The following UNC80 variants were observed in gnomAD, a reference collection of about 807,000 sequenced individuals.
UNC80 encodes unc-80 subunit of NALCN channel complex.
UNC80 carries 164 observed loss-of-function variants against 384.6 expected under a neutral mutation model. The ratio of observed to expected loss-of-function variants is 0.43; its 90% CI spans 0.38 to 0.49. The LOEUF is 0.49. UNC80 is among the 20% of genes least tolerant of loss of function. The pLI is 0.00. For synonymous variants in UNC80, 1,486 were observed against 1,527.8 expected, an observed-to-expected ratio of 0.97 and a Z score of 0.64; for missense variants, 3,330 against 4,143.0, an observed-to-expected ratio of 0.80 and a Z score of 5.39.
At chr2:209,815,174 C>T in intron 8 of UNC80, 83 bp from the exon 9 acceptor site, 1 of 1,378,544 alleles carries the variant, frequency 7.3e-7, no homozygotes, top group Non-Finnish European at 9.8e-7. Flanking sequence ...TAGGCGCATC[C>T]CTATTAAAAA....
At chr2:209,987,468 G>C (rs1490718321) in intron 61 of UNC80, among the ~76,000 whole-genome samples, 2 of 152,204 alleles carry the variant, frequency 1.3e-5, no homozygotes, top group Non-Finnish European at 2.9e-5. Flanking sequence ...TGCTCTTAGA[G>C]ATATAGAAAT....
rs562169228 is a variant in UNC80, at chr2:209,962,871, A to G, written c.7805+3164A>G. On this transcript the variant is annotated intron_variant, in intron 51 of 64. Transcript: ENST00000673920. ...GTAAAAGTTGGAGCTTAATATATAA[A>G]TTTGCGAATTGAGGGTAGTATTAAA... 2.0e-5 allele frequency among the ~76,000 whole-genome samples: 3 copies of G among 152,330 alleles called. No homozygotes were observed. In the East Asian group the frequency reaches 5.8e-4, roughly 29 times the overall value.
At position 209,841,340 on chromosome 2, in the gene UNC80, G is replaced by T. The variant is rs935724026; in HGVS notation, c.3357+692G>T. Among the ~76,000 whole-genome samples, 6 of 151,874 alleles carry T rather than the reference G, an allele frequency of 4.0e-5. 1 individual carries two copies. The highest frequency in any genetic ancestry group is 1.3e-4 in the Admixed American group (2 of 15,222). On this transcript the variant is annotated intron_variant, in intron 20 of 64. Transcript: ENST00000673920. ...TTTGTTTTGTTCCTTGTGGGTTTTT[G>T]TTGTTGTTGTTGTTGTTTTTGTTTT...
At chr2:209,794,302 C>T (rs2887862) in intron 7 of UNC80, among the ~76,000 whole-genome samples, 148,680 of 152,260 alleles carry the variant, frequency 0.98, 72,702 homozygotes, top group East Asian at 1. Context: ...TTATTTGGTG[C>T]ACATAGTGAA....
At chr2:209,982,802 T>C (rs2093188121) in intron 60 of UNC80, 1 of 152,060 alleles carries the variant, frequency 6.6e-6, no homozygotes, top group Non-Finnish European at 1.5e-5. Flanking sequence ...CAGTTCTCCC[T>C]CTGTAAAATG....
At chr2:209,893,977 A>G (rs1263259451) in intron 26 of UNC80, among the ~76,000 whole-genome samples, 186 bp from the exon 27 acceptor site, 2 of 152,148 alleles carry the variant, frequency 1.3e-5, no homozygotes, top group Non-Finnish European at 2.9e-5. Flanking sequence ...GTGTCCAAGA[A>G]ATAAGCTGCA....
chr2:209,819,725 G>T (rs1045771306), intron 12 of UNC80, among the ~76,000 whole-genome samples: 39 of 151,986 alleles, frequency 2.6e-4, no homozygotes, highest in African/African-American at 8.0e-4. Flanking sequence ...CAAATGAAGG[G>T]GTTGTTGTAT....
At chr2:209,855,926 C>A (rs887707194) in intron 22 of UNC80, among the ~76,000 whole-genome samples, 6 of 151,920 alleles carry the variant, frequency 3.9e-5, no homozygotes, top group Non-Finnish European at 8.8e-5. Context: ...AAAATTCTGG[C>A]TAATTTTAGC....
At chr2:209,955,836 C>T (rs942011872) in intron 48 of UNC80, among the ~76,000 whole-genome samples, 23 of 150,050 alleles carry the variant, frequency 1.5e-4, no homozygotes, top group Admixed American at 2.0e-4. Context: ...CTCCGCCTCC[C>T]GGGTTTAAGC....
At chr2:209,907,184 T>TTATC (rs2088326044) in intron 29 of UNC80, among the ~76,000 whole-genome samples, 2 of 151,926 alleles carry the variant, frequency 1.3e-5, no homozygotes, top group South Asian at 4.2e-4. Context: ...CTTCTTTCAA[T>TTATC]TATCCATCCA....
intron 32 of UNC80, among the ~76,000 whole-genome samples, chr2:209,918,193 C>T (rs192082697): frequency 3.9e-5 from 6 of 152,270 alleles, no homozygotes; most frequent in Non-Finnish European, 5.9e-5. Context: ...CACCAGCATT[C>T]CCAGAGGTAA....
chr2:209,789,045 G>A (rs2077632087), intron 5 of UNC80, among the ~76,000 whole-genome samples: 1 of 152,110 alleles, frequency 6.6e-6, no homozygotes, highest in African/African-American at 2.4e-5. Context: ...TACTGTACAG[G>A]TTTGTAGCCT....
chr2:209,935,782 G>A lies in UNC80; in HGVS notation c.6247G>A (p.Asp2083Asn). The part of the protein sequence containing the change: ...DIPTQLPVHE[D>N]TQFEALLKEC... ...CCCAACCCAGTTACCAGTCCATGAA[G>A]ACACTCAATTTGAAGCCCTGTTGAA... Residue 2083 changes from aspartate (D) to asparagine (N), a missense_variant, in exon 40 of 65, where the codon GAC becomes AAC. Physicochemically the swap from Asp to Asn is conservative, Grantham distance 23. Transcript: ENST00000673920. 6.5e-7 allele frequency: 1 copy of A among 1,541,356 alleles called. No individual in the cohort carries two copies. The highest frequency in any genetic ancestry group is 1.2e-5 in the South Asian group (1 of 82,210).
intron 64 of UNC80, among the ~76,000 whole-genome samples, chr2:209,994,990 CAT>C (rs893927148): frequency 7.2e-5 from 11 of 151,828 alleles, no homozygotes; most frequent in Admixed American, 2.0e-4. Context: ...AGATTCTTCT[CAT>C]GTGGTATTTA....
chr2:209,838,358 G>T (rs1008201055), intron 18 of UNC80, among the ~76,000 whole-genome samples: 2 of 151,202 alleles, frequency 1.3e-5, no homozygotes, highest in Non-Finnish European at 2.9e-5. Flanking sequence ...TTAATTTCTG[G>T]TGAGATTAAA....
At chr2:209,883,302 T>C (rs1400146200) in intron 25 of UNC80, among the ~76,000 whole-genome samples, 2 of 152,188 alleles carry the variant, frequency 1.3e-5, no homozygotes, top group Non-Finnish European at 2.9e-5. Context: ...TATTGTTGAC[T>C]GTAGCTATAA....
intron 22 of UNC80, among the ~76,000 whole-genome samples, chr2:209,856,627 G>A (rs995498897): frequency 2.6e-5 from 4 of 151,618 alleles, no homozygotes; most frequent in African/African-American, 7.3e-5. Flanking sequence ...TTTCATTCTC[G>A]TGGAAAAATA....
At chr2:209,800,003 T>C (rs751775734) in intron 7 of UNC80, among the ~76,000 whole-genome samples, 12 of 152,260 alleles carry the variant, frequency 7.9e-5, no homozygotes, top group Admixed American at 2.6e-4. Context: ...TGCATCAATG[T>C]TCATCAGAGA....
At chr2:209,918,506 C>T (rs2089749396) in intron 32 of UNC80, 26 bp from the exon 33 acceptor site, 1 of 1,548,864 alleles carries the variant, frequency 6.5e-7, no homozygotes, top group East Asian at 2.4e-5. Context: ...TCCCTCTCAC[C>T]TAATTTTTCT....
Sources: gnomAD v4.1 joint callset for allele counts (sites outside exome capture counted in the v4.1 genomes callset) on GRCh38, gnomAD v4.1.1 for gene constraint, MANE v1.5 for transcripts, NCBI Gene and HGNC (gene_info 2026-07-23, HGNC 2026-07-21) for gene names.